TANC2: variants seen among roughly 807,000 people sequenced by gnomAD.
The protein encoded by TANC2 is tetratricopeptide repeat, ankyrin repeat and coiled-coil containing 2.
TANC2 carries 26 observed loss-of-function variants against 210.5 expected under a neutral mutation model. The observed-to-expected ratio is 0.12, with a 90% CI of 0.09 to 0.17. The LOEUF is 0.17. Among genes scored for constraint, TANC2 ranks in the 10% least tolerant of loss-of-function variants. The pLI is 1.00. For synonymous variants in TANC2, 931 were observed against 967.1 expected, an observed-to-expected ratio of 0.96 and a Z score of 0.69; for missense variants, 2,129 against 2,608.9, an observed-to-expected ratio of 0.82 and a Z score of 4.01.
chr17:63,131,782 A>G (rs543788265), intron 4 of TANC2, among the ~76,000 whole-genome samples: 5 of 152,170 alleles, frequency 3.3e-5, no homozygotes, highest in Non-Finnish European at 7.3e-5. Flanking sequence ...ACTTTGAACA[A>G]GTTTCCAGGT....
chr17:63,233,763 T>A (rs1284760932), intron 7 of TANC2, among the ~76,000 whole-genome samples: 1 of 152,232 alleles, frequency 6.6e-6, no homozygotes, highest in Non-Finnish European at 1.5e-5. Flanking sequence ...AAAGTTTTAG[T>A]CTATTGAATT....
At chr17:63,307,532 G>T (rs984889029) in intron 9 of TANC2, among the ~76,000 whole-genome samples, 1 of 151,878 alleles carries the variant, frequency 6.6e-6, no homozygotes, top group Non-Finnish European at 1.5e-5. Context: ...TAAAATAAAG[G>T]CCTTAAATAA....
chr17:63,062,907 A>G (rs1568355052), intron 2 of TANC2, among the ~76,000 whole-genome samples: 3 of 152,134 alleles, frequency 2.0e-5, no homozygotes, highest in South Asian at 2.1e-4. Flanking sequence ...CTATAATTCA[A>G]TTCAATTCTG....
chr17:63,397,405 A>G (rs866924296), intron 18 of TANC2, among the ~76,000 whole-genome samples: 1 of 152,252 alleles, frequency 6.6e-6, no homozygotes, highest in Non-Finnish European at 1.5e-5. Flanking sequence ...GTTGTAACTT[A>G]TAACGAAAGT....
At chr17:63,163,361 GA>G (rs2040094229) in intron 5 of TANC2, among the ~76,000 whole-genome samples, 1 of 152,180 alleles carries the variant, frequency 6.6e-6, no homozygotes, top group African/African-American at 2.4e-5. Flanking sequence ...ACTGAGGCCA[GA>G]AGATCATCTG....
At chr17:63,317,948 C>T (rs2045365744) in intron 10 of TANC2, among the ~76,000 whole-genome samples, 1 of 151,930 alleles carries the variant, frequency 6.6e-6, no homozygotes, top group Non-Finnish European at 1.5e-5. Flanking sequence ...AGAAATAATA[C>T]AGTAACATAC....
chr17:63,192,548 T>C (rs1335143214), intron 5 of TANC2, among the ~76,000 whole-genome samples: 1 of 151,782 alleles, frequency 6.6e-6, no homozygotes. Flanking sequence ...AATATTTCTT[T>C]CCAGTGAGGA....
At chr17:63,276,757 C>G (rs188631147) in intron 9 of TANC2, among the ~76,000 whole-genome samples, 1 of 152,076 alleles carries the variant, frequency 6.6e-6, no homozygotes, top group Non-Finnish European at 1.5e-5. Flanking sequence ...CAGTGAGACA[C>G]TCTTCAAAAG....
chr17:63,137,914 T>C lies in TANC2; in HGVS notation c.323-13356T>C, dbSNP rs937903409. The stretch of plus-strand genomic sequence containing the variant: ...TAGCTCTGCATCTCATTTTTATGAG[T>C]GTCCAAGGTATTATATAGAGTATAG... On this transcript the variant is annotated intron_variant, in intron 4 of 27. Transcript: ENST00000689528. 2.6e-5 allele frequency among the ~76,000 whole-genome samples: 4 copies of C among 152,212 alleles called. No homozygotes were observed. The East Asian group carries it at 7.7e-4, about 29-fold the overall frequency.
In TANC2 at chr17:63,368,098, T is replaced by C. The variant is rs371494555; in HGVS notation, c.2583-11620T>C. Among the ~76,000 whole-genome samples the C allele has an allele frequency of 1.6e-4, 25 of 152,162 alleles. 1 individual carries two copies. Among genetic ancestry groups the C allele is most frequent in the Admixed American group, 7.9e-4 (12 of 15,278 alleles). Reference sequence around the variant, plus strand: ...AGTGTATGTGGGAGAGATATTTTGGTGATACTGAAAAGCACTTGGTCTTTT... The same window carrying C: ...AGTGTATGTGGGAGAGATATTTTGGCGATACTGAAAAGCACTTGGTCTTTT... On this transcript the variant is annotated intron_variant, in intron 14 of 27. Coordinates refer to ENST00000689528, the Ensembl canonical transcript of TANC2.
intron 3 of TANC2, among the ~76,000 whole-genome samples, chr17:63,091,644 T>C (rs944415175): frequency 2.0e-5 from 3 of 152,218 alleles, no homozygotes; most frequent in Non-Finnish European, 4.4e-5. Flanking sequence ...TCAGGTAGCA[T>C]GATGCCTCCA....
chr17:63,247,300 T>C (rs1036734452), intron 8 of TANC2, among the ~76,000 whole-genome samples: 1 of 152,102 alleles, frequency 6.6e-6, no homozygotes, highest in Non-Finnish European at 1.5e-5. Context: ...ATTTTTTTTC[T>C]GATAGACCAT....
At chr17:63,189,065 A>G (rs1567799687) in intron 5 of TANC2, among the ~76,000 whole-genome samples, 1 of 152,212 alleles carries the variant, frequency 6.6e-6, no homozygotes, top group South Asian at 2.1e-4. Flanking sequence ...TTCTTAGCAC[A>G]ATACTTTCAG....
chr17:63,267,235 G>A (rs912653182), intron 8 of TANC2, among the ~76,000 whole-genome samples: 2 of 152,046 alleles, frequency 1.3e-5, no homozygotes, highest in African/African-American at 4.8e-5. Flanking sequence ...CTTTCACTCA[G>A]TTTTTAGTAA....
intron 3 of TANC2, among the ~76,000 whole-genome samples, chr17:63,092,242 C>A (rs931510415): frequency 6.6e-6 from 1 of 151,858 alleles, no homozygotes; most frequent in Non-Finnish European, 1.5e-5. Context: ...GGGTAAATTC[C>A]TAGGAGCTGG....
At chr17:63,192,749 G>T (rs140772586) in intron 5 of TANC2, among the ~76,000 whole-genome samples, 1 of 152,260 alleles carries the variant, frequency 6.6e-6, no homozygotes, top group African/African-American at 2.4e-5. Context: ...AGTTATGAAG[G>T]TTAAGCTAAT....
At chr17:63,197,305 T>G (rs1285556793) in intron 6 of TANC2, among the ~76,000 whole-genome samples, 1 of 152,152 alleles carries the variant, frequency 6.6e-6, no homozygotes, top group East Asian at 1.9e-4. Flanking sequence ...TTTATACAAA[T>G]TTAAAATATT....
chr17:63,155,128 T>TA (rs556869289), intron 5 of TANC2: 23 of 152,182 alleles, frequency 1.5e-4, no homozygotes, highest in Admixed American at 1.0e-3. Context: ...TAAGAGCTTA[T>TA]GTTCTGGAGT....
intron 9 of TANC2, among the ~76,000 whole-genome samples, chr17:63,275,647 T>C (rs1372270794): frequency 6.6e-6 from 1 of 152,154 alleles, no homozygotes; most frequent in African/African-American, 2.4e-5. Flanking sequence ...CTTTTCTACC[T>C]CATTGTTCAT....
Sources: gnomAD v4.1 joint callset for allele counts (sites outside exome capture counted in the v4.1 genomes callset) on GRCh38, gnomAD v4.1.1 for gene constraint, MANE v1.5 for transcripts, NCBI Gene and HGNC (gene_info 2026-07-23, HGNC 2026-07-21) for gene names.